The following CYFIP1 variants were observed in gnomAD, a reference collection of about 807,000 sequenced individuals.
The protein encoded by CYFIP1 is cytoplasmic FMR1 interacting protein 1.
A neutral mutation model predicts 163.5 loss-of-function variants in CYFIP1; 58 were observed. That is an observed-to-expected ratio of 0.35 (90% confidence interval 0.29 to 0.44). The LOEUF is 0.44. CYFIP1 is among the 20% of genes least tolerant of loss of function. The pLI is 1.00. For missense variants in CYFIP1, 1,338 were observed against 1,653.8 expected, an observed-to-expected ratio of 0.81 and a Z score of 3.31; for synonymous variants, 663 against 660.7, an observed-to-expected ratio of 1.00 and a Z score of -0.05.
intron 29 of CYFIP1, 35 bp from the exon 30 acceptor site, chr15:22,873,007 A>C: frequency 6.2e-7 from 1 of 1,609,892 alleles, no homozygotes. Flanking sequence ...ATGGGAGATG[A>C]GTGATACGTT....
intron 14 of CYFIP1, among the ~76,000 whole-genome samples, chr15:22,918,258 A>T (rs1242640784): frequency 1.3e-5 from 2 of 152,158 alleles, no homozygotes; most frequent in Non-Finnish European, 2.9e-5. Flanking sequence ...CACGGAGCAG[A>T]GCTGGGCCCC....
In CYFIP1 at chr15:22,868,921, ATCTTT is replaced by A. The variant is rs2059339186; in HGVS notation, c.*1102_*1106del. On this transcript the variant is annotated 3_prime_UTR_variant, in exon 31 of 31. Coordinates refer to ENST00000617928, the MANE Select transcript of CYFIP1 (RefSeq NM_014608.6). ...TTCATCTACAATAAACAGGCATAGC[ATCTTT>A]TTCCATTCAGTTAGTTAGGATTTTC... 1.6e-5 allele frequency: 1 copy of A among 63,810 alleles called. No individual in the cohort carries two copies. Among genetic ancestry groups the A allele is most frequent in the Non-Finnish European group, 2.9e-5 (1 of 34,148 alleles). The allele number at this position is 63,810 out of a possible 1,614,324, so 4.0% of individuals were successfully genotyped here. A position where few individuals can be genotyped will look rare whatever the true frequency, so the allele number is the denominator to read the frequency against.
intron 1 of CYFIP1, among the ~76,000 whole-genome samples, chr15:22,956,573 G>C (rs2062462559): frequency 6.6e-6 from 1 of 152,120 alleles, no homozygotes; most frequent in Admixed American, 6.5e-5. Context: ...ACCGGCCTTG[G>C]ACACCAGACA....
At chr15:22,944,489 G>T in intron 5 of CYFIP1, 69 bp downstream of exon 5, 1 of 1,012,062 alleles carries the variant, frequency 9.9e-7, no homozygotes, top group Non-Finnish European at 1.5e-6. Context: ...CAGTGACAGT[G>T]ATGGGTAGGA....
At position 22,945,577 on chromosome 15, in the gene CYFIP1, ATT is replaced by A. The variant is rs36001319; in HGVS notation, c.208-640_208-639del. On this transcript the variant is annotated intron_variant, in intron 3 of 30. Transcript: ENST00000617928. ...TATTTAGTGAGACGTTCATCACAGTATTTTTTTTTTTTTTTGAGACGAGTCTT... is the reference window on the plus strand; with the variant it reads ...TATTTAGTGAGACGTTCATCACAGTATTTTTTTTTTTTTGAGACGAGTCTT... Among the ~76,000 whole-genome samples, 54 of 144,198 alleles carry A rather than the reference ATT, an allele frequency of 3.7e-4. No homozygotes were observed. In the Middle Eastern group the frequency reaches 0.011, roughly 28 times the overall value. 94.6% of individuals were successfully genotyped at this position (144,198 alleles called of 152,430 possible).
chr15:22,926,048 G>A lies in CYFIP1; in HGVS notation c.1293C>T (p.Ser431=), dbSNP rs779224600. 3.5e-5 allele frequency: 57 copies of A among 1,614,070 alleles called. No individual in the cohort carries two copies. The highest frequency in any genetic ancestry group is 5.5e-5 in the South Asian group (5 of 91,072). Residue 431 remains serine (S), a synonymous_variant, in exon 13 of 31, where the codon AGC becomes AGT. Transcript: ENST00000617928. ...GCGTGGCACGCTCGTACTCTTCAGC[G>A]CTGTCGGGGCAGTCCTTGTTGGAGT... ...DKYSNKDCPD[S]AEEYERATRY...
rs999851832 is a variant in CYFIP1, at chr15:22,903,848, G to C, written c.2446C>G (p.Leu816Val). ...RMTHKLLSRY[L>V]TLDGFDAMFR... The stretch of plus-strand genomic sequence containing the variant: ...ATGGCGTCGAAGCCGTCCAGCGTCA[G>C]GTACCGGCTCAGCAGCTTGTGGGTC... Residue 816 changes from leucine to valine, a missense_variant, in exon 22 of 31, where the codon CTG becomes GTG. By Grantham distance (32) the Leu-to-Val change is conservative. Around this residue, in one of 4 missense-constraint regions of CYFIP1, gnomAD observed 824 missense variants for 995.7 expected, o/e 0.83. Coordinates refer to ENST00000617928, the MANE Select transcript of CYFIP1 (RefSeq NM_014608.6). 1.9e-6 allele frequency: 3 copies of C among 1,614,194 alleles called. No individual in the cohort carries two copies. In the South Asian group the frequency reaches 3.3e-5, roughly 18 times the overall value.
intron 1 of CYFIP1, among the ~76,000 whole-genome samples, chr15:22,954,589 C>T (rs1036626588): frequency 6.6e-6 from 1 of 152,174 alleles, no homozygotes; most frequent in African/African-American, 2.4e-5. Context: ...AGGCGGCGAA[C>T]CGACCCAAAA....
In CYFIP1 at chr15:22,870,339, G is replaced by T. The variant is rs74485150; in HGVS notation, c.3598-147C>A. 42 of 645,836 alleles carry T rather than the reference G, an allele frequency of 6.5e-5. No homozygotes were observed. The East Asian group carries it at 1.2e-3, about 19-fold the overall frequency. 40.0% of individuals were successfully genotyped at this position (645,836 alleles called of 1,614,324 possible). A position where few individuals can be genotyped will look rare whatever the true frequency, so the allele number is the denominator to read the frequency against. ...TACTGTTCTTTTTGGGTTTTTTTTT[G>T]TAAGATAGGGTCTCACTCTGACGCC... On this transcript the variant is annotated intron_variant, in intron 30 of 30. Coordinates refer to ENST00000617928, the MANE Select transcript of CYFIP1 (RefSeq NM_014608.6).
intron 1 of CYFIP1, among the ~76,000 whole-genome samples, chr15:22,974,280 T>G (rs2063194460): frequency 6.6e-6 from 1 of 152,094 alleles, no homozygotes; most frequent in East Asian, 1.9e-4. Context: ...AACCTAACTG[T>G]CCATCAACAG....
In CYFIP1 at chr15:22,961,091, G is replaced by A. The variant is rs377178909; in HGVS notation, c.-6-13800C>T. On this transcript the variant is annotated intron_variant, in intron 1 of 30. Coordinates refer to ENST00000617928, the MANE Select transcript of CYFIP1 (RefSeq NM_014608.6). Reference sequence around the variant, plus strand: ...GCTGGAGTGCAAGTGGCATGATCTCGACTCACTGCAACCTCCGCCTCCTGT... The same window carrying A: ...GCTGGAGTGCAAGTGGCATGATCTCAACTCACTGCAACCTCCGCCTCCTGT... Among the ~76,000 whole-genome samples the A allele has an allele frequency of 1.1e-4, 17 of 152,004 alleles. No individual in the cohort carries two copies. The East Asian group carries it at 2.5e-3, about 22-fold the overall frequency.
chr15:22,940,536 G>A (rs2061862482), intron 6 of CYFIP1, among the ~76,000 whole-genome samples: 1 of 152,214 alleles, frequency 6.6e-6, no homozygotes. Flanking sequence ...AGGACCAGGA[G>A]GCAACACCTG....
intron 1 of CYFIP1, among the ~76,000 whole-genome samples, chr15:22,978,222 C>T (rs2063342155): frequency 6.6e-6 from 1 of 151,132 alleles, no homozygotes; most frequent in East Asian, 2.0e-4. Context: ...TGTGGTGGTG[C>T]GTGCCTGTAA....
At chr15:22,881,821 G>A in intron 25 of CYFIP1, 25 bp downstream of exon 25, 1 of 1,603,658 alleles carries the variant, frequency 6.2e-7, no homozygotes, top group Non-Finnish European at 8.5e-7. Context: ...AGACAGCACT[G>A]TGAGCTCCAC....
intron 1 of CYFIP1, among the ~76,000 whole-genome samples, chr15:22,975,127 A>C (rs2063221684): frequency 6.6e-6 from 1 of 152,200 alleles, no homozygotes; most frequent in Non-Finnish European, 1.5e-5. Context: ...AGAACACAGT[A>C]TGTAATACAT....
In CYFIP1 at chr15:22,872,947, A is replaced by C. The variant is rs762507562; in HGVS notation, c.3475T>G (p.Trp1159Gly). Residue 1159 changes from tryptophan to glycine, a missense_variant, in exon 30 of 31, where the codon TGG becomes GGG. By Grantham distance (184) the Trp-to-Gly change is radical. Around this residue, in one of 4 missense-constraint regions of CYFIP1, gnomAD observed 306 missense variants for 322.1 expected, o/e 0.95. Coordinates refer to ENST00000617928, the MANE Select transcript of CYFIP1 (RefSeq NM_014608.6). ...AGTACGATGATCATACAGCCAGCCC[A>C]GTGTAGCCCATCACCAAAGCACTGC... ...VEQCFGDGLH[W>G]AGCMIIVLLG... The C allele has an allele frequency of 6.2e-7, 1 of 1,614,048 alleles. No homozygotes were observed. The highest frequency in any genetic ancestry group is 1.3e-5 in the African/African-American group (1 of 75,028).
rs1394100112 is a variant in CYFIP1 at position 22,954,090 on chromosome 15, G to A, written c.-6-6799C>T. 1.3e-5 allele frequency among the ~76,000 whole-genome samples: 2 copies of A among 151,992 alleles called. 1 individual carries two copies. Among genetic ancestry groups the A allele is most frequent in the Non-Finnish European group, 2.9e-5 (2 of 68,010 alleles). On this transcript the variant is annotated intron_variant, in intron 1 of 30. Transcript: ENST00000617928. Reference sequence around the variant, plus strand: ...AAACAAAAACAAAAACAATAGGATCGCATTTCTGTCTCTGCTCCTTCAGCT... The same window carrying A: ...AAACAAAAACAAAAACAATAGGATCACATTTCTGTCTCTGCTCCTTCAGCT...
At chr15:22,920,752 G>A (rs74542945) in intron 13 of CYFIP1, among the ~76,000 whole-genome samples, 4,517 of 152,274 alleles carry the variant, frequency 0.03, 115 homozygotes, top group East Asian at 0.094. Flanking sequence ...TGATGGCGCC[G>A]CAGGCACTGT....
chr15:22,907,226 GCT>G (rs1308067674), intron 21 of CYFIP1, among the ~76,000 whole-genome samples: 3 of 152,186 alleles, frequency 2.0e-5, no homozygotes, highest in Non-Finnish European at 4.4e-5. Context: ...TCTTTGAAGA[GCT>G]CTGTCTAAAT....
Sources: allele counts gnomAD v4.1 joint callset (sites outside exome capture counted in the v4.1 genomes callset), GRCh38; gene constraint gnomAD v4.1.1; regional missense constraint gnomAD v4.1.1; transcripts MANE v1.5; gene names NCBI Gene and HGNC (gene_info 2026-07-23, HGNC 2026-07-21).